The following MCPH1 variants were observed in gnomAD, a reference collection of about 807,000 sequenced individuals.
MCPH1 encodes the protein microcephalin 1, also known as microcephalin.
MCPH1 carries 104 observed loss-of-function variants against 84.5 expected under a neutral mutation model. The observed-to-expected ratio is 1.23, with a 90% CI of 1.05 to 1.45. The LOEUF is 1.45. Among genes scored for constraint, MCPH1 ranks in the 40% most tolerant of loss-of-function variants. The pLI is 0.00. For synonymous variants in MCPH1, 514 were observed against 366.8 expected, an observed-to-expected ratio of 1.40 and a Z score of -4.58; for missense variants, 1,498 against 1,005.7, an observed-to-expected ratio of 1.49 and a Z score of -6.62.
chr8:6,454,740 C>T (rs1262005510), intron 8 of MCPH1, among the ~76,000 whole-genome samples: 1 of 152,266 alleles, frequency 6.6e-6, no homozygotes, highest in East Asian at 1.9e-4. Context: ...TCTAGAAAAT[C>T]TCAAACTGAC....
intron 13 of MCPH1, among the ~76,000 whole-genome samples, chr8:6,638,966 C>G (rs144492134): frequency 4.3e-4 from 65 of 152,360 alleles, no homozygotes; most frequent in Middle Eastern, 3.4e-3. Context: ...CTCAACGCCA[C>G]TGCTCAGAAG....
intron 3 of MCPH1, among the ~76,000 whole-genome samples, chr8:6,425,164 C>T (rs892187748): frequency 1.3e-5 from 2 of 152,142 alleles, no homozygotes; most frequent in African/African-American, 2.4e-5. Context: ...GGAGAATAAG[C>T]TCATCACAGC....
intron 12 of MCPH1, among the ~76,000 whole-genome samples, chr8:6,515,710 C>T (rs1454112169): frequency 6.6e-6 from 1 of 152,074 alleles, no homozygotes; most frequent in African/African-American, 2.4e-5. Flanking sequence ...AATTTTCTGC[C>T]ACATACAAGG....
chr8:6,469,719 A>G (rs1023905272), intron 9 of MCPH1, among the ~76,000 whole-genome samples: 5 of 152,220 alleles, frequency 3.3e-5, no homozygotes, highest in African/African-American at 4.8e-5. Flanking sequence ...AAATGTTTCT[A>G]TTTATCACTA....
chr8:6,592,599 C>T (rs1212431734), intron 12 of MCPH1, among the ~76,000 whole-genome samples: 3 of 143,102 alleles, frequency 2.1e-5, no homozygotes, highest in African/African-American at 7.7e-5. Context: ...GTCATCTAGG[C>T]TCTCGTTTTT....
At chr8:6,635,828 T>G (rs960929853) in intron 13 of MCPH1, among the ~76,000 whole-genome samples, 1 of 152,174 alleles carries the variant, frequency 6.6e-6, no homozygotes, top group Non-Finnish European at 1.5e-5. Flanking sequence ...AAGCTTTGAA[T>G]CAAAGCACAG....
At chr8:6,543,006 G>A (rs1020378398) in intron 12 of MCPH1, among the ~76,000 whole-genome samples, 6 of 152,132 alleles carry the variant, frequency 3.9e-5, no homozygotes, top group Admixed American at 1.3e-4. Flanking sequence ...GGAGAGGAGC[G>A]GACTTGGGAA....
At chr8:6,624,814 T>G (rs1469602977) in intron 13 of MCPH1, 1 of 985,276 alleles carries the variant, frequency 1.0e-6, no homozygotes, top group African/African-American at 1.7e-5. Flanking sequence ...GGCATTGCGT[T>G]TCCTGCCTCA....
chr8:6,618,794 G>C (rs1831115544), intron 12 of MCPH1: 1 of 151,944 alleles, frequency 6.6e-6, no homozygotes, highest in African/African-American at 2.4e-5. Flanking sequence ...CTTTTTTTCT[G>C]ACATGAAAAG....
intron 13 of MCPH1, among the ~76,000 whole-genome samples, chr8:6,641,994 G>A (rs944848630): frequency 6.6e-6 from 1 of 152,028 alleles, no homozygotes; most frequent in African/African-American, 2.4e-5. Context: ...GTTAAATTCT[G>A]GGACACTATC....
intron 9 of MCPH1, among the ~76,000 whole-genome samples, chr8:6,457,906 T>C (rs893526942): frequency 1.3e-5 from 2 of 152,236 alleles, no homozygotes; most frequent in Middle Eastern, 3.4e-3. Context: ...GGGCTGCGCA[T>C]TGGACTCACC....
chr8:6,448,990 T>G (rs1171313700), intron 8 of MCPH1, among the ~76,000 whole-genome samples: 2 of 152,110 alleles, frequency 1.3e-5, no homozygotes, highest in African/African-American at 4.8e-5. Flanking sequence ...AATAAAATAA[T>G]TTGTGGTGGG....
intron 11 of MCPH1, among the ~76,000 whole-genome samples, chr8:6,483,819 C>T (rs1809531847): frequency 6.6e-6 from 1 of 152,046 alleles, no homozygotes; most frequent in Non-Finnish European, 1.5e-5. Flanking sequence ...AATACCATGC[C>T]ACTGCACTGC....
intron 10 of MCPH1, among the ~76,000 whole-genome samples, chr8:6,478,805 G>A (rs1172208414): frequency 3.3e-5 from 5 of 152,066 alleles, no homozygotes; most frequent in South Asian, 2.1e-4. Context: ...CTTGACTCAA[G>A]CACACATTCT....
rs1259798407 is a variant in MCPH1 at position 6,593,906 on chromosome 8, C to T, written c.2215-27548C>T. Among the ~76,000 whole-genome samples, 3 of 152,310 alleles carry T rather than the reference C, an allele frequency of 2.0e-5. No homozygotes were observed. The East Asian group carries it at 5.8e-4, about 29-fold the overall frequency. ...CCTTCTTATGCAAAAGTGGCCGTCC[C>T]TCCCATCAGAAGGACCCCCGCTGGC... On this transcript the variant is annotated intron_variant, in intron 12 of 13. Coordinates refer to ENST00000344683, the MANE Select transcript of MCPH1 (RefSeq NM_024596.5).
At chr8:6,560,074 T>G (rs1237661849) in intron 12 of MCPH1, among the ~76,000 whole-genome samples, 1 of 152,220 alleles carries the variant, frequency 6.6e-6, no homozygotes, top group South Asian at 2.1e-4. Context: ...TACTATTTAT[T>G]TGCCCTAAAA....
intron 2 of MCPH1, among the ~76,000 whole-genome samples, chr8:6,412,702 G>C (rs1010715474): frequency 6.6e-6 from 1 of 152,086 alleles, no homozygotes; most frequent in Non-Finnish European, 1.5e-5. Flanking sequence ...AAGCCTTGTG[G>C]GAAGATGGTC....
At chr8:6,528,361 C>T (rs986609838) in intron 12 of MCPH1, among the ~76,000 whole-genome samples, 9 of 152,094 alleles carry the variant, frequency 5.9e-5, no homozygotes, top group Non-Finnish European at 4.4e-5. Context: ...TTCCCTTTGC[C>T]GAAAACAAAA....
chr8:6,477,718 G>T (rs1346958829), intron 10 of MCPH1, 87 bp downstream of exon 10: 2 of 991,756 alleles, frequency 2.0e-6, no homozygotes, highest in African/African-American at 1.6e-5. Flanking sequence ...TAGGCAACTT[G>T]TCAATCTGTC....
Sources: allele counts gnomAD v4.1 joint callset (sites outside exome capture counted in the v4.1 genomes callset), GRCh38; gene constraint gnomAD v4.1.1; transcripts MANE v1.5; gene names NCBI Gene and HGNC (gene_info 2026-07-23, HGNC 2026-07-21).